Variants in GTF2A2 observed in about 807,000 individuals in gnomAD.
GTF2A2 encodes the protein transcription initiation factor IIA subunit 2.
A neutral mutation model predicts 14.3 loss-of-function variants in GTF2A2; 9 were observed. That is an observed-to-expected ratio of 0.63 (90% CI 0.38 to 1.10). The LOEUF (loss-of-function observed/expected upper bound fraction) is 1.10, where lower values mean the gene tolerates loss of function less well. GTF2A2 is among the 50% of genes least tolerant of loss of function. GTF2A2 has a pLI of 0.01. For synonymous variants in GTF2A2, 56 were observed against 46.0 expected (o/e 1.22, Z -0.88); for missense variants, 90 against 124.6 (o/e 0.72, Z 1.32).
intron 4 of GTF2A2, among the ~76,000 whole-genome samples, chr15:59,641,590 T>C (rs1479885): frequency 0.3 from 46,032 of 152,048 alleles, 7,682 homozygotes; most frequent in East Asian, 0.59. Flanking sequence ...AAACTAATCA[T>C]GAAACAGAAA....
rs1426106048 is a variant in GTF2A2 at position 59,642,208 on chromosome 15, C to A, written c.232G>T (p.Asp78Tyr). The change falls in exon 4 of 5, where the codon GAT becomes TAT. Residue 78 changes from aspartate to tyrosine, a missense_variant. Coordinates refer to ENST00000396060, the MANE Select transcript of GTF2A2 (RefSeq NM_004492.3). Reference sequence around the variant, plus strand: ...TCTGTCACCTCTCTGAATTCAACATCATTCAGTACAAAAGTCCACACATTA... The same window carrying A: ...TCTGTCACCTCTCTGAATTCAACATAATTCAGTACAAAAGTCCACACATTA... ...CDNVWTFVLN[D>Y]VEFREVTELI... 1 of 1,608,106 alleles carries A rather than the reference C, an allele frequency of 6.2e-7. No homozygotes were observed. Among genetic ancestry groups the A allele is most frequent in the East Asian group, 2.2e-5 (1 of 44,682 alleles).
At chr15:59,657,084 A>T (rs1328264685) in intron 1 of GTF2A2, 1 of 152,290 alleles carries the variant, frequency 6.6e-6, no homozygotes, top group African/African-American at 2.4e-5. Flanking sequence ...GAAATTCGGC[A>T]AAACTCACAG....
intron 3 of GTF2A2, among the ~76,000 whole-genome samples, chr15:59,644,049 C>T (rs1012845746): frequency 1.3e-5 from 2 of 152,042 alleles, no homozygotes; most frequent in African/African-American, 2.4e-5. Flanking sequence ...CGTCTGCCAC[C>T]ATGTCAGACT....
At chr15:59,646,528 C>G (rs1235022326) in intron 3 of GTF2A2, among the ~76,000 whole-genome samples, 1 of 152,088 alleles carries the variant, frequency 6.6e-6, no homozygotes, top group Admixed American at 6.5e-5. Context: ...AAAGCAAGTC[C>G]TTGGGATTTA....
At chr15:59,640,917 A>T (rs575973412) in intron 4 of GTF2A2, among the ~76,000 whole-genome samples, 88 of 145,118 alleles carry the variant, frequency 6.1e-4, no homozygotes, top group Middle Eastern at 6.9e-3. Flanking sequence ...AACTATGCCC[A>T]AAGTTCTTAG....
rs1891293532 is a variant in GTF2A2, at chr15:59,639,134, A to T, written c.328T>A (p.Ter110ArgextTer5). 1.4e-6 allele frequency: 2 copies of T among 1,443,560 alleles called. No homozygotes were observed. The highest frequency in any genetic ancestry group is 1.9e-6 in the Non-Finnish European group (2 of 1,027,206). 89.4% of individuals were successfully genotyped at this position (1,443,560 alleles called of 1,614,324 possible). ...GKNTGSNTTE[*>R] is the part of the protein sequence containing the mutation. ...TAAAAAAGTCATATTTTTTCTATTC[A>T]TTCTGTAGTATTGGAGCCAGTATCT... The change falls in exon 5 of 5, where the codon TGA (stop) becomes AGA (arginine). Residue 110 changes from the stop codon to arginine (R), a stop_lost. Coordinates refer to ENST00000396060, the MANE Select transcript of GTF2A2 (RefSeq NM_004492.3).
intron 3 of GTF2A2, among the ~76,000 whole-genome samples, chr15:59,648,353 A>G (rs1467563901): frequency 6.9e-6 from 1 of 144,588 alleles, no homozygotes; most frequent in African/African-American, 2.6e-5. Context: ...GGTTGCAGTG[A>G]GCCGAGATTG....
intron 3 of GTF2A2, among the ~76,000 whole-genome samples, chr15:59,649,775 A>T (rs1336190907): frequency 6.6e-6 from 1 of 152,178 alleles, no homozygotes; most frequent in Non-Finnish European, 1.5e-5. Context: ...GAGTATCTAG[A>T]ACATGCCTGG....
intron 1 of GTF2A2, among the ~76,000 whole-genome samples, chr15:59,654,193 C>T (rs575309425): frequency 2.0e-5 from 3 of 152,258 alleles, no homozygotes; most frequent in Admixed American, 6.5e-5. Context: ...CCACAGAGTC[C>T]ATGGCTTGGA....
chr15:59,646,294 G>A (rs1468407654), intron 3 of GTF2A2, among the ~76,000 whole-genome samples: 2 of 152,166 alleles, frequency 1.3e-5, no homozygotes, highest in African/African-American at 4.8e-5. Context: ...GACCTCAAGT[G>A]GTCTGCCTGC....
At chr15:59,648,245 T>TAAAAATAC (rs1555394510) in intron 3 of GTF2A2, among the ~76,000 whole-genome samples, 1 of 151,378 alleles carries the variant, frequency 6.6e-6, no homozygotes, top group Non-Finnish European at 1.5e-5. Context: ...CATCTCTTAC[T>TAAAAATAC]AAAAATACAA....
At chr15:59,646,489 T>C (rs1405403606) in intron 3 of GTF2A2, among the ~76,000 whole-genome samples, 2 of 152,174 alleles carry the variant, frequency 1.3e-5, no homozygotes, top group South Asian at 2.1e-4. Flanking sequence ...ATTACTTTCA[T>C]TGGATAATGT....
At position 59,651,913 on chromosome 15, in the gene GTF2A2, G is replaced by C. The variant is rs1392549775; in HGVS notation, c.72+293C>G. 6 of 240,670 alleles carry C rather than the reference G, an allele frequency of 2.5e-5. No homozygotes were observed. The East Asian group carries it at 5.2e-4, about 21-fold the overall frequency. The allele number at this position is 240,670 out of a possible 1,614,324, so 14.9% of individuals were successfully genotyped here. A position where few individuals can be genotyped will look rare whatever the true frequency, so the allele number is the denominator to read the frequency against. On this transcript the variant is annotated intron_variant, in intron 2 of 4. Transcript: ENST00000396060. ...TGCTTAAGCTGGTCTCAAACTTCTG[G>C]CCTCAAGCGATCCTTCCACCTTGTC...
chr15:59,647,756 G>C (rs919262657), intron 3 of GTF2A2, among the ~76,000 whole-genome samples: 66 of 151,990 alleles, frequency 4.3e-4, no homozygotes, highest in African/African-American at 1.4e-3. Flanking sequence ...TTTTAGTAAA[G>C]ATGAGGTTTC....
At chr15:59,647,518 T>C (rs1237414350) in intron 3 of GTF2A2, among the ~76,000 whole-genome samples, 2 of 152,232 alleles carry the variant, frequency 1.3e-5, no homozygotes, top group African/African-American at 4.8e-5. Context: ...CCAAATTGTA[T>C]CTTCAATGCA....
At chr15:59,641,757 ACT>A (rs1280671277) in intron 4 of GTF2A2, among the ~76,000 whole-genome samples, 8 of 152,290 alleles carry the variant, frequency 5.3e-5, no homozygotes, top group Middle Eastern at 3.4e-3. Flanking sequence ...GTTTAAAATA[ACT>A]CTTTAAATAT....
intron 3 of GTF2A2, among the ~76,000 whole-genome samples, chr15:59,647,474 G>T (rs1055957036): frequency 6.6e-6 from 1 of 152,018 alleles, no homozygotes; most frequent in African/African-American, 2.4e-5. Context: ...ATTTAGCTTT[G>T]GTCAAATATT....
At chr15:59,639,260 AGTG>A in intron 4 of GTF2A2, 103 bp from the exon 5 acceptor site, 1 of 753,140 alleles carries the variant, frequency 1.3e-6, no homozygotes, top group Non-Finnish European at 2.4e-6. Context: ...CAGGACTAAT[AGTG>A]GTGGTGGCTT....
chr15:59,655,848 C>G (rs1475393905), intron 1 of GTF2A2, among the ~76,000 whole-genome samples: 1 of 152,168 alleles, frequency 6.6e-6, no homozygotes, highest in East Asian at 1.9e-4. Context: ...ATCTCACTCT[C>G]CATATCCAAT....
Sources: allele counts gnomAD v4.1 joint callset (sites outside exome capture counted in the v4.1 genomes callset), GRCh38; gene constraint gnomAD v4.1.1; transcripts MANE v1.5; gene names NCBI Gene and HGNC (gene_info 2026-07-23, HGNC 2026-07-21).